Variants in ENO1 observed in about 807,000 individuals in gnomAD.
ENO1 encodes alpha-enolase.
A neutral mutation model predicts 46.3 loss-of-function variants in ENO1; 33 were observed. That is an observed-to-expected ratio of 0.71 (90% CI 0.54 to 0.95). The LOEUF (loss-of-function observed/expected upper bound fraction) is 0.95. Ranked by LOEUF, ENO1 falls within the 40% of genes least tolerant of loss-of-function variation. The pLI, the probability that ENO1 is intolerant of heterozygous loss-of-function variation, is 0.00. For synonymous variants in ENO1, 220 were observed against 216.0 expected, an observed-to-expected ratio of 1.02 and a Z score of -0.16; for missense variants, 488 against 553.3, an observed-to-expected ratio of 0.88 and a Z score of 1.18.
At chr1:8,874,420 A>C (rs1422013985) in intron 2 of ENO1, among the ~76,000 whole-genome samples, 1 of 151,862 alleles carries the variant, frequency 6.6e-6, no homozygotes, top group African/African-American at 2.4e-5. Flanking sequence ...TCTCCCAAAA[A>C]TGCAAAAATT....
chr1:8,874,595 A>AAAAAAAAG (rs1557587518), intron 2 of ENO1, among the ~76,000 whole-genome samples: 13 of 146,954 alleles, frequency 8.8e-5, no homozygotes, highest in East Asian at 3.9e-4. Flanking sequence ...AAAAAAAAAA[A>AAAAAAAAG]AAAAAGAAAA....
intron 2 of ENO1, among the ~76,000 whole-genome samples, chr1:8,874,595 A>AG (rs373028558): frequency 5.9e-4 from 87 of 146,954 alleles, no homozygotes; most frequent in East Asian, 1.4e-3. Context: ...AAAAAAAAAA[A>AG]AAAAAGAAAA....
chr1:8,871,583 C>T, intron 3 of ENO1: 1 of 1,150,028 alleles, frequency 8.7e-7, no homozygotes, highest in Non-Finnish European at 1.1e-6. Flanking sequence ...AGTTAACAGG[C>T]CCTGTTCTCA....
At chr1:8,867,012 G>T (rs1642532139) in intron 6 of ENO1, 105 bp downstream of exon 6, 3 of 1,497,652 alleles carry the variant, frequency 2.0e-6, no homozygotes, top group Admixed American at 2.1e-5. Flanking sequence ...GCTGTGCTGG[G>T]AGAGTCACAT....
In ENO1 at chr1:8,870,321, C is replaced by G; in HGVS notation, c.240+131G>C. 2.6e-6 allele frequency: 3 copies of G among 1,166,688 alleles called. No homozygotes were observed. In the South Asian group the frequency reaches 4.1e-5, roughly 16 times the overall value. The allele number at this position is 1,166,688 out of a possible 1,614,324, so 72.3% of individuals were successfully genotyped here. A position where few individuals can be genotyped will look rare whatever the true frequency, so the allele number is the denominator to read the frequency against. On this transcript the variant is annotated intron_variant, in intron 4 of 11. Transcript: ENST00000234590. ...AATTATGTCATGCATGGATTGTTCT[C>G]GTGCGTGACAGGGAATCCAATAGGC...
intron 7 of ENO1, chr1:8,866,003 C>A: frequency 2.6e-6 from 1 of 390,188 alleles, no homozygotes; most frequent in Non-Finnish European, 4.6e-6. Flanking sequence ...ATCACTTGAG[C>A]CCAGGAGGCG....
At chr1:8,872,294 C>T (rs1642649452) in intron 2 of ENO1, among the ~76,000 whole-genome samples, 1 of 152,204 alleles carries the variant, frequency 6.6e-6, no homozygotes, top group Non-Finnish European at 1.5e-5. Context: ...GCATCCCTCA[C>T]AAGCTCGCAT....
chr1:8,876,685 C>G (rs964606601), intron 1 of ENO1, among the ~76,000 whole-genome samples: 1 of 151,640 alleles, frequency 6.6e-6, no homozygotes, highest in South Asian at 2.1e-4. Context: ...ATCACGAGGT[C>G]AGGAGAGGAG....
At position 8,871,937 on chromosome 1, in the gene ENO1, C is replaced by G; in HGVS notation, c.135G>C (p.Glu45Asp). Residue 45 changes from glutamate to aspartate, a missense_variant, in exon 3 of 12, where the codon GAG (glutamate) becomes GAC (aspartate). Coordinates refer to ENST00000234590, the MANE Select transcript of ENO1 (RefSeq NM_001428.5). ...TATCATTGTCCCGGAGCTCTAGGGC[C>G]TCATAGATACCAGTTGAAGCACCAC... is the stretch of plus-strand genomic sequence containing the variant. The part of the protein sequence containing the change: ...VPSGASTGIY[E>D]ALELRDNDKT... The G allele has an allele frequency of 6.2e-7, 1 of 1,614,154 alleles. No individual in the cohort carries two copies. The highest frequency in any genetic ancestry group is 2.2e-5 in the East Asian group (1 of 44,884).
intron 8 of ENO1, among the ~76,000 whole-genome samples, chr1:8,864,811 G>A (rs1642477419): frequency 6.6e-6 from 1 of 152,074 alleles, no homozygotes; most frequent in Admixed American, 6.6e-5. Context: ...CTGAATTCTT[G>A]CCCCACCATT....
At position 8,862,914 on chromosome 1, in the gene ENO1, C is replaced by T. The variant is rs201032262; in HGVS notation, c.1208G>A (p.Arg403His). ...IKTGAPCRSE[R>H]LAKYNQLLRI... is the part of the protein sequence containing the mutation. ...GAGGAGCTGGTTGTACTTGGCCAAGCGCTCAGATCGGCAAGGGGCACCAGT... is the reference window on the plus strand; with the variant it reads ...GAGGAGCTGGTTGTACTTGGCCAAGTGCTCAGATCGGCAAGGGGCACCAGT... Residue 403 changes from arginine to histidine, a missense_variant, in exon 11 of 12, where the codon CGC becomes CAC. Arg to His is a conservative substitution (Grantham distance 29). Coordinates refer to ENST00000234590, the MANE Select transcript of ENO1 (RefSeq NM_001428.5). 4 of 1,613,922 alleles carry T rather than the reference C, an allele frequency of 2.5e-6. No individual in the cohort carries two copies. Among genetic ancestry groups the T allele is most frequent in the African/African-American group, 1.3e-5 (1 of 74,898 alleles).
At chr1:8,869,210 T>A (rs1410092170) in intron 4 of ENO1, among the ~76,000 whole-genome samples, 1 of 149,130 alleles carries the variant, frequency 6.7e-6, no homozygotes, top group African/African-American at 2.6e-5. Context: ...AACAGTTTGG[T>A]ATGTTTCTCT....
chr1:8,874,157 T>C (rs1642688821), intron 2 of ENO1, among the ~76,000 whole-genome samples: 1 of 152,080 alleles, frequency 6.6e-6, no homozygotes, highest in African/African-American at 2.4e-5. Flanking sequence ...TATCCTGCAT[T>C]TGGTCACAGC....
intron 3 of ENO1, chr1:8,871,045 A>G: frequency 8.1e-7 from 1 of 1,235,250 alleles, no homozygotes; most frequent in Non-Finnish European, 1.0e-6. Context: ...CTGAGCACTC[A>G]TTACCATCAA....
In ENO1 at chr1:8,874,828, T is replaced by G; in HGVS notation, c.81A>C (p.Ser27=). 1 of 1,613,246 alleles carries G rather than the reference T, an allele frequency of 6.2e-7. No homozygotes were observed. Among genetic ancestry groups the G allele is most frequent in the Non-Finnish European group, 8.5e-7 (1 of 1,179,530 alleles). ...AACCAAGGAGGTGGCACATACCTTTTGAGGTGAAGAGATCAACCTCAACAG... is the reference window on the plus strand; with the variant it reads ...AACCAAGGAGGTGGCACATACCTTTGGAGGTGAAGAGATCAACCTCAACAG... The part of the protein sequence containing the change: ...NPTVEVDLFT[S]KGLFRAAVPS... Residue 27 remains serine, a synonymous_variant, in exon 2 of 12, where the codon TCA becomes TCC. Coordinates refer to ENST00000234590, the MANE Select transcript of ENO1 (RefSeq NM_001428.5).
intron 5 of ENO1, 146 bp downstream of exon 5, chr1:8,867,842 T>C (rs1642555511): frequency 2.6e-6 from 2 of 779,826 alleles, no homozygotes; most frequent in Admixed American, 2.5e-5. Flanking sequence ...AAGTGTGATT[T>C]CTTAAGAGTA....
chr1:8,864,431 G>A (rs1172555571), intron 8 of ENO1, among the ~76,000 whole-genome samples: 4 of 152,120 alleles, frequency 2.6e-5, no homozygotes, highest in Non-Finnish European at 4.4e-5. Context: ...TTCCTGAGTC[G>A]CTGGGACTAT....
chr1:8,871,250 G>A, intron 3 of ENO1: 1 of 1,013,790 alleles, frequency 9.9e-7, no homozygotes, highest in Non-Finnish European at 1.2e-6. Context: ...AGCCTTTTTG[G>A]AGTTTTCCGG....
At position 8,865,331 on chromosome 1, in the gene ENO1, A is replaced by AG; in HGVS notation, c.818dup (p.Asp274Ter). On this transcript the variant is annotated frameshift_variant, in exon 8 of 12. Coordinates refer to ENST00000234590, the MANE Select transcript of ENO1 (RefSeq NM_001428.5). LOFTEE classifies it high-confidence loss of function. ...ACTTGTACAGGTCAGCCAGCTGGTC[A>AG]GGCGAGATGTACCTGCTGGGGTCAT... The AG allele has an allele frequency of 6.2e-7, 1 of 1,614,234 alleles. No homozygotes were observed. The highest frequency in any genetic ancestry group is 1.1e-5 in the South Asian group (1 of 91,088).
Sources: gnomAD v4.1 joint callset for allele counts (sites outside exome capture counted in the v4.1 genomes callset) on GRCh38, gnomAD v4.1.1 for gene constraint, MANE v1.5 for transcripts, NCBI Gene and HGNC (gene_info 2026-07-23, HGNC 2026-07-21) for gene names.